PRKAG1: variants seen among roughly 807,000 people sequenced by gnomAD.
PRKAG1 encodes the protein protein kinase AMP-activated non-catalytic subunit gamma 1.
A neutral mutation model predicts 48.2 loss-of-function variants in PRKAG1; 27 were observed. The observed-to-expected ratio is 0.56, with a 90% CI of 0.41 to 0.77. PRKAG1 has a LOEUF of 0.77. Ranked by LOEUF, PRKAG1 falls within the 30% of genes least tolerant of loss-of-function variation. The pLI is 0.00. For missense variants in PRKAG1, 287 were observed against 398.3 expected, an observed-to-expected ratio of 0.72 and a Z score of 2.38; for synonymous variants, 130 against 147.7, an observed-to-expected ratio of 0.88 and a Z score of 0.87.
chr12:49,018,696 C>T (rs201841565), intron 1 of PRKAG1, 36 bp downstream of exon 1: 1 of 1,613,560 alleles, frequency 6.2e-7, no homozygotes, highest in Non-Finnish European at 8.5e-7. Flanking sequence ...GTCTTAGGCT[C>T]CACAGCGCCC....
chr12:49,009,587 T>C (rs184818867), intron 2 of PRKAG1, among the ~76,000 whole-genome samples: 1 of 152,300 alleles, frequency 6.6e-6, no homozygotes, highest in East Asian at 1.9e-4. Context: ...ACTTGTTTCA[T>C]GGTGGAAATA....
In PRKAG1 at chr12:49,005,194, C is replaced by T. The variant is rs1357605763; in HGVS notation, c.310-29G>A. On this transcript the variant is annotated intron_variant, in intron 5 of 11. Transcript: ENST00000548065. This position sits in a 1 kb window ranked among gnomAD's most constrained non-coding sequence, Gnocchi z 4.1. ...AAAGCAGAAGCAACAGAATTTGAGACCTGATCTCTCTGCTTCCTTAAGCCC... is the reference window on the plus strand; with the variant it reads ...AAAGCAGAAGCAACAGAATTTGAGATCTGATCTCTCTGCTTCCTTAAGCCC... The T allele has an allele frequency of 6.2e-7, 1 of 1,613,878 alleles. No individual in the cohort carries two copies. The highest frequency in any genetic ancestry group is 1.3e-5 in the African/African-American group (1 of 75,026).
intron 2 of PRKAG1, among the ~76,000 whole-genome samples, chr12:49,010,324 A>C (rs1283465945): frequency 1.3e-5 from 2 of 152,196 alleles, no homozygotes; most frequent in Non-Finnish European, 2.9e-5. Flanking sequence ...TGGATAGGGA[A>C]CATTCAATAC....
At chr12:49,018,585 C>G in intron 1 of PRKAG1, 147 bp downstream of exon 1, 1 of 1,502,706 alleles carries the variant, frequency 6.7e-7, no homozygotes, top group Admixed American at 2.3e-5. Flanking sequence ...AGCGGAGGAA[C>G]AGGGTCACGG....
chr12:49,005,019 C>G lies in PRKAG1; in HGVS notation c.356-1G>C. The G allele has an allele frequency of 1.2e-6, 2 of 1,614,012 alleles. No individual in the cohort carries two copies. The highest frequency in any genetic ancestry group is 1.7e-6 in the Non-Finnish European group (2 of 1,179,970). On this transcript the variant is annotated splice_acceptor_variant, in intron 6 of 11. Coordinates refer to ENST00000548065, the MANE Select transcript of PRKAG1 (RefSeq NM_002733.5). LOFTEE classifies it high-confidence loss of function. The surrounding 1 kb of genome is among the most constrained non-coding windows in gnomAD (Gnocchi z 4.1). ...TTAAAGGAGTCCTGGAGATACACCT[C>G]TGAAGGGAAAAGGGATGGGTCACAA... is the stretch of plus-strand genomic sequence containing the variant.
chr12:49,005,370 G>A lies in PRKAG1; in HGVS notation c.251-6C>T. 3 of 1,614,072 alleles carry A rather than the reference G, an allele frequency of 1.9e-6. No individual in the cohort carries two copies. Among genetic ancestry groups the A allele is most frequent in the Non-Finnish European group, 2.5e-6 (3 of 1,180,022 alleles). ...ATCAGTGATGGTCAGCATGCCTAGA[G>A]GACAAGACAGAGCCCTCAGCACTGC... is the stretch of plus-strand genomic sequence containing the variant. On this transcript the variant is annotated splice_region_variant and splice_polypyrimidine_tract_variant and intron_variant, in intron 4 of 11. Transcript: ENST00000548065. The surrounding 1 kb of genome is among the most constrained non-coding windows in gnomAD (Gnocchi z 4.1).
chr12:49,003,526 C>T (rs1243112803), intron 10 of PRKAG1, 32 bp downstream of exon 10: 4 of 1,529,748 alleles, frequency 2.6e-6, no homozygotes, highest in Non-Finnish European at 3.6e-6. Flanking sequence ...CCCACCACTT[C>T]CCTACCTCCC....
In PRKAG1 at chr12:49,005,542, AC is replaced by A. The variant is rs1439086622; in HGVS notation, c.169del (p.Val57Ter). 1 of 1,614,096 alleles carries A rather than the reference AC, an allele frequency of 6.2e-7. No homozygotes were observed. ...KLVVFDTSLQ[V>X]KKAFFALVTN... ...CACCAAAGCAAAAAAAGCTTTCTTC[AC>A]CTGTAGCCAAGACAGTAATAATCAT... is the stretch of plus-strand genomic sequence containing the variant. On this transcript the variant is annotated frameshift_variant and splice_region_variant, in exon 4 of 12. Transcript: ENST00000548065. LOFTEE classifies it high-confidence loss of function. This position sits in a 1 kb window ranked among gnomAD's most constrained non-coding sequence, Gnocchi z 4.1.
At chr12:49,016,325 T>C (rs145451336) in intron 1 of PRKAG1, among the ~76,000 whole-genome samples, 1 of 152,358 alleles carries the variant, frequency 6.6e-6, no homozygotes, top group African/African-American at 2.4e-5. Flanking sequence ...ACAGTCTACA[T>C]CTGACAAATA....
intron 2 of PRKAG1, among the ~76,000 whole-genome samples, chr12:49,012,366 A>AT (rs1224327923): frequency 1.4e-5 from 2 of 147,496 alleles, no homozygotes; most frequent in East Asian, 4.0e-4. Context: ...CCTTTTCCTA[A>AT]TTTTTTTCTT....
chr12:49,018,443 G>A (rs866256987), intron 1 of PRKAG1: 34 of 1,326,088 alleles, frequency 2.6e-5, no homozygotes, highest in Middle Eastern at 3.9e-4. Context: ...AGGAAAGGAG[G>A]CCCGAGATTG....
intron 2 of PRKAG1, among the ~76,000 whole-genome samples, chr12:49,011,697 G>A (rs57251277): frequency 0.019 from 2,917 of 151,816 alleles, 77 homozygotes; most frequent in African/African-American, 0.066. Flanking sequence ...CAAGCAGCTG[G>A]GATTATAGGC....
rs1565732942 is a variant in PRKAG1 at position 49,004,816 on chromosome 12, TGTGTG to T, written c.410+143_410+147del. ...GAGAATGAGAGAGAGAGAGAGACTGTGTGTGTGTGTGTGTGTGTGTGTGTGTGTGT... is the reference window on the plus strand; with the variant it reads ...GAGAATGAGAGAGAGAGAGAGACTGTTGTGTGTGTGTGTGTGTGTGTGTGT... On this transcript the variant is annotated intron_variant, in intron 7 of 11. Transcript: ENST00000548065. The T allele has an allele frequency of 3.0e-3, 653 of 217,060 alleles. 8 individuals carry two copies. In the African/African-American group the frequency reaches 0.051, roughly 17 times the overall value. 13.4% of individuals were successfully genotyped at this position (217,060 alleles called of 1,614,324 possible).
intron 10 of PRKAG1, 38 bp from the exon 11 acceptor site, chr12:49,003,328 A>C (rs1312303451): frequency 1.2e-6 from 2 of 1,613,012 alleles, no homozygotes. Flanking sequence ...GGGAAGCAAG[A>C]GAGCCAGCCT....
At position 49,002,867 on chromosome 12, in the gene PRKAG1, T is replaced by A; in HGVS notation, c.*32A>T. 1 of 1,578,906 alleles carries A rather than the reference T, an allele frequency of 6.3e-7. No homozygotes were observed. The highest frequency in any genetic ancestry group is 1.7e-4 in the Middle Eastern group (1 of 5,978). ...TCCAGCAGGCAGTGAGTTGGGCATA[T>A]CCCCTGGTGCTGCATGACCCCTTCC... On this transcript the variant is annotated 3_prime_UTR_variant, in exon 12 of 12. Transcript: ENST00000548065.
chr12:49,018,390 A>G, intron 1 of PRKAG1: 1 of 1,132,696 alleles, frequency 8.8e-7, no homozygotes, highest in Non-Finnish European at 1.1e-6. Flanking sequence ...GCCGGCTCAC[A>G]ACCCTGCGCT....
intron 2 of PRKAG1, among the ~76,000 whole-genome samples, chr12:49,009,085 TG>T (rs1177724422): frequency 3.9e-5 from 6 of 151,928 alleles, no homozygotes; most frequent in Non-Finnish European, 7.4e-5. Flanking sequence ...TTTAAATGTT[TG>T]TTTGTTTTGT....
Position 49,004,833 on chromosome 12 carries a change from G to GTGTGTGTC in PRKAG1, c.410+130_410+131insGACACACA, listed in dbSNP as rs1466838610. The GTGTGTGTC allele has an allele frequency of 3.7e-4, 359 of 961,626 alleles. No individual in the cohort carries two copies. In the East Asian group the frequency reaches 8.5e-3, roughly 23 times the overall value. 59.6% of individuals were successfully genotyped at this position (961,626 alleles called of 1,614,324 possible). A position where few individuals can be genotyped will look rare whatever the true frequency, so the allele number is the denominator to read the frequency against. The stretch of plus-strand genomic sequence containing the variant: ...AGAGACTGTGTGTGTGTGTGTGTGT[G>GTGTGTGTC]TGTGTGTGTGTGTGTGTGTGTGTGT... On this transcript the variant is annotated intron_variant, in intron 7 of 11. Transcript: ENST00000548065.
At chr12:49,011,033 G>C (rs1592280839) in intron 2 of PRKAG1, among the ~76,000 whole-genome samples, 1 of 151,946 alleles carries the variant, frequency 6.6e-6, no homozygotes, top group East Asian at 1.9e-4. Flanking sequence ...AGTAGAGACG[G>C]GGTTTCACCA....
Sources: allele counts gnomAD v4.1 joint callset (sites outside exome capture counted in the v4.1 genomes callset), GRCh38; gene constraint gnomAD v4.1.1; non-coding constraint Gnocchi (gnomAD v3.1); transcripts MANE v1.5; gene names NCBI Gene and HGNC (gene_info 2026-07-23, HGNC 2026-07-21).